The following RAB21 variants were observed in gnomAD, a reference collection of about 807,000 sequenced individuals.
RAB21 encodes ras-related protein Rab-21.
RAB21 carries 13 observed loss-of-function variants against 33.1 expected under a neutral mutation model. The ratio of observed to expected loss-of-function variants is 0.39; its 90% CI spans 0.26 to 0.62. The LOEUF is 0.62. RAB21 is among the 20% of genes least tolerant of loss of function. The pLI, the probability that RAB21 is intolerant of heterozygous loss-of-function variation, is 0.48. For missense variants in RAB21, 234 were observed against 279.1 expected (o/e 0.84, Z 1.15); for synonymous variants, 91 against 103.7 (o/e 0.88, Z 0.74).
rs17110256 is a variant in RAB21, at chr12:71,774,820, A to G, written c.391+798A>G. ...TGATTTTCCAGGAGATTCAAACTCT[A>G]AGGAATGCCTTGGGGAGCAAATTGG... On this transcript the variant is annotated intron_variant, in intron 4 of 6. Transcript: ENST00000261263. Among the ~76,000 whole-genome samples the G allele has an allele frequency of 6.5e-3, 994 of 152,122 alleles. 13 individuals are homozygous for G. The highest frequency in any genetic ancestry group is 0.023 in the African/African-American group (959 of 41,490).
In RAB21 at chr12:71,754,973, G is replaced by T. The variant is rs1044101210; in HGVS notation, c.-157G>T. 5 of 655,360 alleles carry T rather than the reference G, an allele frequency of 7.6e-6. No homozygotes were observed. The highest frequency in any genetic ancestry group is 9.5e-6 in the Non-Finnish European group (5 of 525,192). 40.6% of individuals were successfully genotyped at this position (655,360 alleles called of 1,614,324 possible). A position where few individuals can be genotyped will look rare whatever the true frequency, so the allele number is the denominator to read the frequency against. On this transcript the variant is annotated 5_prime_UTR_variant, in exon 1 of 7. Coordinates refer to ENST00000261263, the MANE Select transcript of RAB21 (RefSeq NM_014999.4). ...CCCTTCATTCTCGGACTTTCCCTCA[G>T]CCCTTCCAGGCCTCGCCCGAGGAGG...
chr12:71,764,766 GT>G (rs1882933932), intron 1 of RAB21, among the ~76,000 whole-genome samples: 1 of 152,088 alleles, frequency 6.6e-6, no homozygotes, highest in South Asian at 2.1e-4. Flanking sequence ...CTCCATCCAA[GT>G]TGCTGTAAAA....
chr12:71,764,255 G>A (rs927899206), intron 1 of RAB21, among the ~76,000 whole-genome samples: 1 of 152,060 alleles, frequency 6.6e-6, no homozygotes, highest in Non-Finnish European at 1.5e-5. Context: ...TAGGTTCATG[G>A]ATTTCTTCAT....
Position 71,784,152 on chromosome 12 carries a change from C to T in RAB21, c.536-1379C>T, listed in dbSNP as rs556142267. ...GTAAACCATTAATCAAGAGCAGTCT[C>T]TAATTTAAGAGCCCTTTTGTATTTT... On this transcript the variant is annotated intron_variant, in intron 6 of 6. Coordinates refer to ENST00000261263, the MANE Select transcript of RAB21 (RefSeq NM_014999.4). 3.3e-5 allele frequency among the ~76,000 whole-genome samples: 5 copies of T among 152,296 alleles called. No homozygotes were observed. The South Asian group carries it at 1.0e-3, about 32-fold the overall frequency.
At chr12:71,763,759 C>G (rs746442705) in intron 1 of RAB21, among the ~76,000 whole-genome samples, 1 of 152,094 alleles carries the variant, frequency 6.6e-6, no homozygotes, top group African/African-American at 2.4e-5. Context: ...TGTGCCTACC[C>G]TGAGAATATT....
rs1883421442 is a variant in RAB21 at position 71,793,807 on chromosome 12, G to C, written c.*8134G>C. On this transcript the variant is annotated 3_prime_UTR_variant, in exon 7 of 7. Coordinates refer to ENST00000261263, the MANE Select transcript of RAB21 (RefSeq NM_014999.4). ...GCATTGTTAAAGGAAGGAGATGGTA[G>C]ATTTTGGGTTCTGGGTTCTAGGTTC... The C allele has an allele frequency of 6.6e-6, 1 of 152,208 alleles. No individual in the cohort carries two copies. The highest frequency in any genetic ancestry group is 2.4e-5 in the African/African-American group (1 of 41,458). The allele number at this position is 152,208 out of a possible 1,614,324, so 9.4% of individuals were successfully genotyped here.
At chr12:71,771,789 C>A (rs1189188459) in intron 3 of RAB21, among the ~76,000 whole-genome samples, 1 of 152,030 alleles carries the variant, frequency 6.6e-6, no homozygotes, top group Non-Finnish European at 1.5e-5. Flanking sequence ...GCCCAGCCAA[C>A]ATGGTGAACT....
chr12:71,782,391 T>TA, intron 5 of RAB21, 179 bp from the exon 6 acceptor site: 1 of 523,818 alleles, frequency 1.9e-6, no homozygotes, highest in South Asian at 3.8e-5. Flanking sequence ...CGAGGCTTGT[T>TA]ATATTTGTGT....
Position 71,799,780 on chromosome 12 carries a change from T to C in RAB21, c.*14107T>C, listed in dbSNP as rs1883513775. The stretch of plus-strand genomic sequence containing the variant: ...CAATTGAAGTATAGTAAAGATAAAA[T>C]TAATTGCACAGGCCAGGCACAGTGG... On this transcript the variant is annotated 3_prime_UTR_variant, in exon 7 of 7. Transcript: ENST00000261263. The C allele has an allele frequency of 6.6e-6, 1 of 152,082 alleles. No individual in the cohort carries two copies. Among genetic ancestry groups the C allele is most frequent in the South Asian group, 2.1e-4 (1 of 4,824 alleles). The allele number at this position is 152,082 out of a possible 1,614,324, so 9.4% of individuals were successfully genotyped here. A position where few individuals can be genotyped will look rare whatever the true frequency, so the allele number is the denominator to read the frequency against.
chr12:71,782,847 T>G (rs1388115544), intron 6 of RAB21, among the ~76,000 whole-genome samples, 189 bp downstream of exon 6: 1 of 152,072 alleles, frequency 6.6e-6, no homozygotes, highest in Non-Finnish European at 1.5e-5. Flanking sequence ...TAACCCTGTT[T>G]CAAGCAGTAA....
At position 71,785,574 on chromosome 12, in the gene RAB21, T is replaced by C; in HGVS notation, c.579T>C (p.Asn193=). ...TAQVDERAKG[N]GSSQPGTARR... is the part of the protein sequence containing the mutation. The stretch of plus-strand genomic sequence containing the variant: ...AAGTGGATGAGAGAGCAAAAGGCAA[T>C]GGCTCTAGTCAGCCGGGAACTGCAA... The change falls in exon 7 of 7, where the codon AAT becomes AAC. Residue 193 remains asparagine (N), a synonymous_variant. Coordinates refer to ENST00000261263, the MANE Select transcript of RAB21 (RefSeq NM_014999.4). 6.2e-7 allele frequency: 1 copy of C among 1,614,194 alleles called. No homozygotes were observed. The highest frequency in any genetic ancestry group is 8.5e-7 in the Non-Finnish European group (1 of 1,180,022).
At chr12:71,779,468 CA>C (rs200128722) in intron 4 of RAB21, among the ~76,000 whole-genome samples, 8 of 149,752 alleles carry the variant, frequency 5.3e-5, no homozygotes, top group African/African-American at 1.7e-4. Context: ...AAAGGTAAAA[CA>C]AAAAAAAAAT....
At position 71,776,712 on chromosome 12, in the gene RAB21, T is replaced by TA. The variant is rs879933987; in HGVS notation, c.391+2704dup. Among the ~76,000 whole-genome samples, 868 of 140,928 alleles carry TA rather than the reference T, an allele frequency of 6.2e-3. 8 individuals carry two copies. Among genetic ancestry groups the TA allele is most frequent in the African/African-American group, 0.02 (785 of 38,572 alleles). 92.5% of individuals were successfully genotyped at this position (140,928 alleles called of 152,430 possible). A position where few individuals can be genotyped will look rare whatever the true frequency, so the allele number is the denominator to read the frequency against. On this transcript the variant is annotated intron_variant, in intron 4 of 6. Coordinates refer to ENST00000261263, the MANE Select transcript of RAB21 (RefSeq NM_014999.4). The stretch of plus-strand genomic sequence containing the variant: ...AATAATAAAACTCCAGTCTCCCGTT[T>TA]AAAAAAAAAAAAAAGAATTCTGAGA...
chr12:71,769,228 G>T (rs937043682), intron 1 of RAB21, among the ~76,000 whole-genome samples: 3 of 152,146 alleles, frequency 2.0e-5, no homozygotes, highest in Non-Finnish European at 4.4e-5. Flanking sequence ...TATTTGGCAA[G>T]ACCCTCCATT....
At chr12:71,781,169 C>G (rs956754601) in intron 4 of RAB21, among the ~76,000 whole-genome samples, 1 of 152,010 alleles carries the variant, frequency 6.6e-6, no homozygotes, top group Admixed American at 6.6e-5. Context: ...GTTTTTTAAA[C>G]AAAGAATACA....
At chr12:71,783,240 T>G (rs1883227249) in intron 6 of RAB21, among the ~76,000 whole-genome samples, 3 of 152,050 alleles carry the variant, frequency 2.0e-5, no homozygotes, top group Admixed American at 2.0e-4. Context: ...TGATGGATTT[T>G]CATTATGCTG....
intron 3 of RAB21, among the ~76,000 whole-genome samples, chr12:71,772,553 T>C (rs1030408692): frequency 6.6e-6 from 1 of 152,158 alleles, no homozygotes; most frequent in Non-Finnish European, 1.5e-5. Context: ...GGGTATCTAA[T>C]TTGAAATGAC....
At position 71,784,729 on chromosome 12, in the gene RAB21, C is replaced by T. The variant is rs961994608; in HGVS notation, c.536-802C>T. Reference sequence around the variant, plus strand: ...TAGTGTAGCTTTATACTAGTTCTTGCAATCAGGTGGTGTGAGTCTTTCTGC... The same window carrying T: ...TAGTGTAGCTTTATACTAGTTCTTGTAATCAGGTGGTGTGAGTCTTTCTGC... On this transcript the variant is annotated intron_variant, in intron 6 of 6. Transcript: ENST00000261263. Among the ~76,000 whole-genome samples the T allele has an allele frequency of 2.6e-5, 4 of 152,082 alleles. No individual in the cohort carries two copies. In the East Asian group the frequency reaches 7.7e-4, roughly 29 times the overall value.
Position 71,789,171 on chromosome 12 carries a change from A to G in RAB21, c.*3498A>G, listed in dbSNP as rs925034965. 1.5e-4 allele frequency: 23 copies of G among 151,988 alleles called. No individual in the cohort carries two copies. The highest frequency in any genetic ancestry group is 5.6e-4 in the African/African-American group (23 of 41,390). 9.4% of individuals were successfully genotyped at this position (151,988 alleles called of 1,614,324 possible). A position where few individuals can be genotyped will look rare whatever the true frequency, so the allele number is the denominator to read the frequency against. The stretch of plus-strand genomic sequence containing the variant: ...AGAATGGAAGTCAAGTAAATAAAAA[A>G]CTACAACCTGACAGTTTTTTAAATC... On this transcript the variant is annotated 3_prime_UTR_variant, in exon 7 of 7. Transcript: ENST00000261263.
Sources: gnomAD v4.1 joint callset for allele counts (sites outside exome capture counted in the v4.1 genomes callset) on GRCh38, gnomAD v4.1.1 for gene constraint, MANE v1.5 for transcripts, NCBI Gene and HGNC (gene_info 2026-07-23, HGNC 2026-07-21) for gene names.